Variants in TTC7A observed in about 807,000 individuals in gnomAD.
TTC7A encodes tetratricopeptide repeat domain 7A.
In TTC7A, 110 loss-of-function variants were observed where a neutral mutation model predicts 103.7. That is an observed-to-expected ratio of 1.06 (90% CI 0.91 to 1.24). The LOEUF (loss-of-function observed/expected upper bound fraction) is 1.24, where lower values mean the gene tolerates loss of function less well. Among genes scored for constraint, TTC7A ranks in the 50% most tolerant of loss-of-function variants. The probability of loss-of-function intolerance (pLI) is 0.00; values close to 1 mark genes in which losing one functional copy is unlikely to be tolerated. For synonymous variants in TTC7A, 521 were observed against 467.9 expected, an observed-to-expected ratio of 1.11 and a Z score of -1.47; for missense variants, 1,340 against 1,116.3, an observed-to-expected ratio of 1.20 and a Z score of -2.86.
chr2:47,020,393 G>A (rs1025800867), intron 11 of TTC7A, among the ~76,000 whole-genome samples: 4 of 152,332 alleles, frequency 2.6e-5, no homozygotes, highest in South Asian at 2.1e-4. Context: ...CCACCTGGCC[G>A]GCTGAGGCTG....
intron 19 of TTC7A, among the ~76,000 whole-genome samples, chr2:47,061,380 G>C (rs1229700874): frequency 1.3e-5 from 2 of 152,176 alleles, no homozygotes; most frequent in African/African-American, 2.4e-5. Flanking sequence ...GGAGTCCCCA[G>C]ACCCTCCCTG....
chr2:47,028,427 C>T (rs1680154542), intron 14 of TTC7A, among the ~76,000 whole-genome samples: 1 of 152,234 alleles, frequency 6.6e-6, no homozygotes, highest in African/African-American at 2.4e-5. Flanking sequence ...TAGAAGGTGC[C>T]CTTCCATGCT....
intron 10 of TTC7A, among the ~76,000 whole-genome samples, chr2:47,009,215 G>A (rs112626276): frequency 6.6e-6 from 1 of 152,072 alleles, no homozygotes; most frequent in East Asian, 1.9e-4. Flanking sequence ...CCTGGCACCC[G>A]CCCACTCTGG....
At chr2:47,042,991 T>A (rs1387797461) in intron 15 of TTC7A, among the ~76,000 whole-genome samples, 2 of 152,146 alleles carry the variant, frequency 1.3e-5, no homozygotes, top group Non-Finnish European at 2.9e-5. Context: ...CTGGTGAGGC[T>A]GTGGCCACAG....
intron 3 of TTC7A, among the ~76,000 whole-genome samples, chr2:46,966,079 A>G (rs981922186): frequency 6.6e-5 from 10 of 151,890 alleles, no homozygotes; most frequent in African/African-American, 2.4e-4. Context: ...CCTCCCGAGT[A>G]GCTGGGTTTA....
intron 2 of TTC7A, among the ~76,000 whole-genome samples, chr2:46,919,549 G>C (rs1424594627): frequency 6.6e-6 from 1 of 152,142 alleles, no homozygotes; most frequent in African/African-American, 2.4e-5. Context: ...AAATAAATAA[G>C]ACTTTAGGTA....
At position 47,060,864 on chromosome 2, in the gene TTC7A, A is replaced by G. The variant is rs1261534519; in HGVS notation, c.2248A>G (p.Met750Val). Residue 750 changes from methionine (M) to valine (V), a missense_variant, in exon 19 of 20, where the codon ATG becomes GTG. Coordinates refer to ENST00000319190, the MANE Select transcript of TTC7A (RefSeq NM_020458.4). ...LFPTSHSVLY[M>V]RGRLAEVKGN... is the part of the protein sequence containing the mutation. ...CCCCACTTCTCACTCAGTACTCTAT[A>G]TGCGGGGCCGGCTGGCTGAGGTGAA... 2.1e-5 allele frequency: 34 copies of G among 1,614,164 alleles called. No homozygotes were observed. The highest frequency in any genetic ancestry group is 2.8e-5 in the Non-Finnish European group (33 of 1,180,022).
At position 46,994,477 on chromosome 2, in the gene TTC7A, C is replaced by G; in HGVS notation, c.964C>G (p.Gln322Glu). Residue 322 changes from glutamine to glutamate, a missense_variant, in exon 7 of 20, where the codon CAG (glutamine) becomes GAG (glutamate). Coordinates refer to ENST00000319190, the MANE Select transcript of TTC7A (RefSeq NM_020458.4). ...MGKEESSFAT[Q>E]ALRKPHLYEG... ...CAAGGAGGAGAGTTCTTTCGCCACT[C>G]AGGCCCTGCGGAAACCTCACCTCTA... 6.2e-7 allele frequency: 1 copy of G among 1,614,104 alleles called. No homozygotes were observed. Among genetic ancestry groups the G allele is most frequent in the Non-Finnish European group, 8.5e-7 (1 of 1,179,986 alleles).
At chr2:46,939,151 T>C (rs1411218824), upstream of TTC7A, among the ~76,000 whole-genome samples, 1 of 151,754 alleles carries the variant, frequency 6.6e-6, no homozygotes, top group Non-Finnish European at 1.5e-5. Flanking sequence ...TAAAATAAAG[T>C]AAAAATTTTA....
At chr2:46,928,770 A>G (rs1245033818) in intron 2 of TTC7A, among the ~76,000 whole-genome samples, 1 of 144,636 alleles carries the variant, frequency 6.9e-6, no homozygotes, top group Non-Finnish European at 1.5e-5. Flanking sequence ...GTTTCAAAAG[A>G]AAAAAAAAAA....
chr2:46,957,833 A>G (rs1482127271), intron 3 of TTC7A, among the ~76,000 whole-genome samples: 4 of 152,168 alleles, frequency 2.6e-5, no homozygotes, highest in Admixed American at 6.5e-5. Context: ...TCCCTAGTGC[A>G]GCACAAACCA....
chr2:47,041,748 C>T (rs555044217), intron 15 of TTC7A, among the ~76,000 whole-genome samples: 105 of 145,726 alleles, frequency 7.2e-4, no homozygotes, highest in African/African-American at 2.6e-3. Flanking sequence ...AGCAAAACTC[C>T]GTCTCAAAAA....
At chr2:46,929,698 G>A (rs1228379501) in intron 2 of TTC7A, among the ~76,000 whole-genome samples, 1 of 152,142 alleles carries the variant, frequency 6.6e-6, no homozygotes, top group Non-Finnish European at 1.5e-5. Flanking sequence ...GAAAATTAAT[G>A]AGCTGAGATT....
chr2:46,978,772 C>T lies in TTC7A; in HGVS notation c.649-20C>T, dbSNP rs534387141. ...CTCAGAACTTTGAGACAATGGCTCT[C>T]TCTCTGTTTCCCTTCCCAGACCACA... On this transcript the variant is annotated intron_variant, in intron 4 of 19. Coordinates refer to ENST00000319190, the MANE Select transcript of TTC7A (RefSeq NM_020458.4). 6.2e-7 allele frequency: 1 copy of T among 1,605,792 alleles called. No individual in the cohort carries two copies. Among genetic ancestry groups the T allele is most frequent in the East Asian group, 2.2e-5 (1 of 44,822 alleles).
At chr2:46,930,788 C>T (rs1337898982) in intron 2 of TTC7A, among the ~76,000 whole-genome samples, 2 of 152,108 alleles carry the variant, frequency 1.3e-5, no homozygotes, top group East Asian at 1.9e-4. Flanking sequence ...GCGTGAGCCA[C>T]CGCACCCAGC....
chr2:46,920,487 G>A lies in TTC7A; in HGVS notation c.82+3210G>A, dbSNP rs141311743. Among the ~76,000 whole-genome samples the A allele has an allele frequency of 3.5e-3, 538 of 151,766 alleles. 5 individuals are homozygous for A. Among genetic ancestry groups the A allele is most frequent in the African/African-American group, 0.012 (500 of 41,364 alleles). Reference sequence around the variant, plus strand: ...TGGGATTACAGGCAACAACCACCACGCCCAGCTAATTTTTTGTATTTTTAG... The same window carrying A: ...TGGGATTACAGGCAACAACCACCACACCCAGCTAATTTTTTGTATTTTTAG... On this transcript the variant is annotated intron_variant, in intron 2 of 20. Coordinates refer to the TTC7A transcript ENST00000409245.
intron 14 of TTC7A, among the ~76,000 whole-genome samples, 186 bp downstream of exon 14, chr2:47,024,545 G>C (rs1307243491): frequency 2.0e-5 from 3 of 152,118 alleles, no homozygotes; most frequent in African/African-American, 4.8e-5. Context: ...CAGGTAATGT[G>C]GGTAAAGCCG....
At chr2:46,939,937 G>A (rs370551718), upstream of TTC7A, among the ~76,000 whole-genome samples, 87 of 152,262 alleles carry the variant, frequency 5.7e-4, no homozygotes, top group African/African-American at 2.0e-3. Flanking sequence ...GGCCTCTGGG[G>A]GTTCAGAACA....
chr2:47,006,686 TGGTACCA>T lies in TTC7A; in HGVS notation c.1253_1259del (p.Tyr418TrpfsTer22). ...GTTTGCGTTTGGAGAATTTCACCTT[TGGTACCA>T]GGTGGCCCTCTCCATGGTGGCTTGT... On this transcript the variant is annotated frameshift_variant, in exon 10 of 20. Coordinates refer to ENST00000319190, the MANE Select transcript of TTC7A (RefSeq NM_020458.4). LOFTEE classifies it high-confidence loss of function. 6.2e-7 allele frequency: 1 copy of T among 1,614,194 alleles called. No homozygotes were observed. Among genetic ancestry groups the T allele is most frequent in the Non-Finnish European group, 8.5e-7 (1 of 1,180,018 alleles).
Sources: gnomAD v4.1 joint callset for allele counts (sites outside exome capture counted in the v4.1 genomes callset) on GRCh38, gnomAD v4.1.1 for gene constraint, MANE v1.5 for transcripts, NCBI Gene and HGNC (gene_info 2026-07-23, HGNC 2026-07-21) for gene names.